ARHGAP24: variants seen among roughly 807,000 people sequenced by gnomAD.
The protein encoded by ARHGAP24 is Rho GTPase activating protein 24.
In ARHGAP24, 50 loss-of-function variants were observed where a neutral mutation model predicts 76.4. That is an observed-to-expected ratio of 0.65 (90% confidence interval 0.52 to 0.83). ARHGAP24 has a LOEUF of 0.83. Among genes scored for constraint, ARHGAP24 ranks in the 40% least tolerant of loss-of-function variants. ARHGAP24 has a pLI of 0.00. For synonymous variants in ARHGAP24, 345 were observed against 323.3 expected (o/e 1.07, Z -0.72); for missense variants, 930 against 914.2 (o/e 1.02, Z -0.22).
At chr4:85,997,357 AG>A (rs60292424) in intron 9 of ARHGAP24, among the ~76,000 whole-genome samples, 1 of 132,484 alleles carries the variant, frequency 7.5e-6, no homozygotes, top group African/African-American at 4.2e-5. Flanking sequence ...GATAGATAAT[AG>A]ATAGATGATA....
chr4:85,871,231 G>C (rs1386522416), intron 3 of ARHGAP24, among the ~76,000 whole-genome samples: 2 of 152,094 alleles, frequency 1.3e-5, no homozygotes, highest in Non-Finnish European at 2.9e-5. Flanking sequence ...TAATTTAGGA[G>C]TCTTATTTAG....
chr4:85,903,827 T>C (rs1734625847), intron 3 of ARHGAP24, among the ~76,000 whole-genome samples: 2 of 152,142 alleles, frequency 1.3e-5, no homozygotes, highest in Admixed American at 1.3e-4. Context: ...TTTCCCAAAA[T>C]ATATTCCATA....
chr4:85,867,898 C>CATATATATATATATATATATAT (rs113874290), intron 3 of ARHGAP24, among the ~76,000 whole-genome samples: 45 of 106,726 alleles, frequency 4.2e-4, no homozygotes, highest in Non-Finnish European at 6.1e-4. Flanking sequence ...TGTGTGTGTA[C>CATATATATATATATATATATAT]ATATATATAT....
At chr4:85,970,619 T>C (rs568672323) in intron 5 of ARHGAP24, among the ~76,000 whole-genome samples, 24 of 152,176 alleles carry the variant, frequency 1.6e-4, no homozygotes, top group African/African-American at 5.3e-4. Context: ...CTCATATAAT[T>C]TCATACAGTT....
chr4:85,774,546 A>AGTG (rs1727239692), intron 3 of ARHGAP24, among the ~76,000 whole-genome samples: 1 of 152,226 alleles, frequency 6.6e-6, no homozygotes, highest in Non-Finnish European at 1.5e-5. Context: ...AGGAAATGAA[A>AGTG]GAGATTTCCG....
chr4:85,890,599 G>A (rs2148778616), intron 3 of ARHGAP24, among the ~76,000 whole-genome samples: 1 of 152,228 alleles, frequency 6.6e-6, no homozygotes, highest in East Asian at 1.9e-4. Flanking sequence ...ATTTTACAAG[G>A]AAATAAAGAG....
chr4:85,513,922 C>G (rs568022912), intron 1 of ARHGAP24, among the ~76,000 whole-genome samples: 5 of 152,188 alleles, frequency 3.3e-5, no homozygotes, highest in African/African-American at 2.4e-5. Flanking sequence ...CTCTACTTGA[C>G]GACTGTCATG....
At chr4:85,560,305 G>A (rs1726543622) in intron 1 of ARHGAP24, among the ~76,000 whole-genome samples, 1 of 151,802 alleles carries the variant, frequency 6.6e-6, no homozygotes, top group African/African-American at 2.4e-5. Context: ...TTGAATTAAA[G>A]CCATCTTAAG....
intron 2 of ARHGAP24, among the ~76,000 whole-genome samples, chr4:85,636,759 T>C (rs957896314): frequency 3.9e-5 from 6 of 152,086 alleles, no homozygotes; most frequent in African/African-American, 1.2e-4. Flanking sequence ...AAATCTCTCC[T>C]GACAAATTCA....
intron 3 of ARHGAP24, among the ~76,000 whole-genome samples, chr4:85,880,610 G>T (rs142767605): frequency 0.029 from 4,461 of 152,128 alleles, 131 homozygotes; most frequent in African/African-American, 0.079. Flanking sequence ...CTCACTGCAA[G>T]CTCCGCCTCC....
intron 5 of ARHGAP24, chr4:85,942,552 A>C (rs1163431723): frequency 2.9e-6 from 1 of 341,614 alleles, no homozygotes; most frequent in African/African-American, 2.1e-5. Context: ...CACTGGAAAA[A>C]GTGAATTTAT....
intron 2 of ARHGAP24, among the ~76,000 whole-genome samples, chr4:85,636,571 GACAC>G (rs200871995): frequency 6.6e-6 from 1 of 150,764 alleles, no homozygotes. Flanking sequence ...CACACACACA[GACAC>G]ACACACACTC....
Position 85,606,805 on chromosome 4 carries a change from T to A in ARHGAP24, c.180+36084T>A, listed in dbSNP as rs374036392. Among the ~76,000 whole-genome samples, 9 of 152,306 alleles carry A rather than the reference T, an allele frequency of 5.9e-5. No individual in the cohort carries two copies. The South Asian group carries it at 1.7e-3, about 28-fold the overall frequency. ...ATTATATAAATACATAAATGTGTAA[T>A]GTTCTAGATAGAGTTAAGTGCTATG... On this transcript the variant is annotated intron_variant, in intron 2 of 9. Transcript: ENST00000395184.
chr4:85,687,216 T>C (rs1032031660), intron 2 of ARHGAP24, among the ~76,000 whole-genome samples: 1 of 152,136 alleles, frequency 6.6e-6, no homozygotes, highest in Middle Eastern at 3.2e-3. Context: ...ACTGAGGTGG[T>C]ACTTGGTTTA....
chr4:85,574,285 A>G lies in ARHGAP24; in HGVS notation c.180+3564A>G, dbSNP rs1048993163. 2.0e-5 allele frequency among the ~76,000 whole-genome samples: 3 copies of G among 152,196 alleles called. No homozygotes were observed. In the East Asian group the frequency reaches 5.8e-4, roughly 29 times the overall value. On this transcript the variant is annotated intron_variant, in intron 2 of 9. Transcript: ENST00000395184. ...TGAAAAACTGCTCATCTGTTGAGGG[A>G]AAGCAAAATTATAATAATGACAGGC...
At chr4:85,810,823 T>C (rs1413728259) in intron 3 of ARHGAP24, among the ~76,000 whole-genome samples, 2 of 152,328 alleles carry the variant, frequency 1.3e-5, no homozygotes, top group East Asian at 3.9e-4. Context: ...GACTAGAAAT[T>C]TGGGACATTG....
At chr4:85,741,833 T>A (rs1725838301) in intron 3 of ARHGAP24, among the ~76,000 whole-genome samples, 1 of 152,208 alleles carries the variant, frequency 6.6e-6, no homozygotes, top group Non-Finnish European at 1.5e-5. Context: ...CACTGGTACT[T>A]TTTTTTCATG....
intron 4 of ARHGAP24, among the ~76,000 whole-genome samples, chr4:85,927,980 G>A (rs1736105674): frequency 6.6e-6 from 1 of 152,096 alleles, no homozygotes; most frequent in Non-Finnish European, 1.5e-5. Context: ...TGGAATGATA[G>A]GCCTTTCCTT....
intron 3 of ARHGAP24, among the ~76,000 whole-genome samples, chr4:85,797,901 A>C (rs757082468): frequency 6.6e-6 from 1 of 152,240 alleles, no homozygotes; most frequent in Non-Finnish European, 1.5e-5. Flanking sequence ...ACAACCTTGA[A>C]TAAATAGAGA....
Sources: gnomAD v4.1 joint callset for allele counts (sites outside exome capture counted in the v4.1 genomes callset) on GRCh38, gnomAD v4.1.1 for gene constraint, MANE v1.5 for transcripts, NCBI Gene and HGNC (gene_info 2026-07-23, HGNC 2026-07-21) for gene names.